The following SRBD1 variants were observed in gnomAD, a reference collection of about 807,000 sequenced individuals.
The protein encoded by SRBD1 is S1 RNA binding domain 1, also known as S1 RNA-binding domain-containing protein 1.
A neutral mutation model predicts 115.3 loss-of-function variants in SRBD1; 88 were observed. The ratio of observed to expected loss-of-function variants is 0.76; its 90% confidence interval spans 0.64 to 0.91. The LOEUF is 0.91. Ranked by LOEUF, SRBD1 falls within the 40% of genes least tolerant of loss-of-function variation. The pLI, the probability that SRBD1 is intolerant of heterozygous loss-of-function variation, is 0.00. For missense variants in SRBD1, 1,385 were observed against 1,177.4 expected (o/e 1.18, Z -2.58); for synonymous variants, 509 against 407.7 (o/e 1.25, Z -2.99).
At chr2:45,519,935 A>G (rs1180923228) in intron 14 of SRBD1, among the ~76,000 whole-genome samples, 3 of 152,178 alleles carry the variant, frequency 2.0e-5, no homozygotes, top group African/African-American at 7.2e-5. Flanking sequence ...CCAAACCAAG[A>G]CCAAAAAGCT....
intron 16 of SRBD1, among the ~76,000 whole-genome samples, chr2:45,444,710 C>T (rs1206316342): frequency 6.6e-6 from 1 of 152,146 alleles, no homozygotes; most frequent in South Asian, 2.1e-4. Context: ...TTTCAATAAT[C>T]TTTTTCTCTA....
chr2:45,605,536 AGG>A, intron 1 of SRBD1, 95 bp from the exon 2 acceptor site: 1 of 1,175,912 alleles, frequency 8.5e-7, no homozygotes, highest in South Asian at 1.3e-5. Context: ...AACATTTCAT[AGG>A]AAAAAAACAA....
intron 11 of SRBD1, among the ~76,000 whole-genome samples, chr2:45,552,530 T>C (rs1672334783): frequency 6.6e-6 from 1 of 152,048 alleles, no homozygotes; most frequent in Non-Finnish European, 1.5e-5. Flanking sequence ...AAAGTGCCAC[T>C]AGACATAAGC....
chr2:45,573,304 G>T lies in SRBD1; in HGVS notation c.1208C>A (p.Ala403Glu). Residue 403 changes from alanine to glutamate, a missense_variant, in exon 9 of 21, where the codon GCA becomes GAA. By Grantham distance (107) the Ala-to-Glu change is moderately radical. Transcript: ENST00000263736. ...ATTTACCTTTTTTGAGGATACTTTT[G>T]CCAGAGATGACTGGATACAAACATG... ...KRHVCIQSSL[A>E]KVSSKKVNEK... 6.2e-7 allele frequency: 1 copy of T among 1,611,780 alleles called. No homozygotes were observed. Among genetic ancestry groups the T allele is most frequent in the Non-Finnish European group, 8.5e-7 (1 of 1,179,168 alleles).
chr2:45,437,574 AATC>A (rs1197164212), intron 16 of SRBD1, among the ~76,000 whole-genome samples: 3 of 152,158 alleles, frequency 2.0e-5, no homozygotes, highest in Admixed American at 6.5e-5. Flanking sequence ...AATCAAAATG[AATC>A]ATAAGACAGA....
intron 16 of SRBD1, among the ~76,000 whole-genome samples, chr2:45,430,216 T>G (rs1294018184): frequency 6.6e-6 from 1 of 152,064 alleles, no homozygotes; most frequent in Non-Finnish European, 1.5e-5. Flanking sequence ...CATACTGCCC[T>G]AAGTAATTTA....
rs531252447 is a variant in SRBD1 at position 45,505,477 on chromosome 2, T to C, written c.1875-17146A>G. On this transcript the variant is annotated intron_variant, in intron 14 of 20. Transcript: ENST00000263736. ...CTCAAGGCTCTCACATAAGGGAAAA[T>C]AGCTGAGCACAATGGCACCTGTCCG... 9.9e-5 allele frequency among the ~76,000 whole-genome samples: 15 copies of C among 152,226 alleles called. No individual in the cohort carries two copies. The South Asian group carries it at 2.9e-3, about 29-fold the overall frequency.
intron 14 of SRBD1, among the ~76,000 whole-genome samples, chr2:45,501,897 T>G (rs561346287): frequency 3.9e-5 from 6 of 152,240 alleles, no homozygotes; most frequent in African/African-American, 1.4e-4. Flanking sequence ...AGCAGAAACC[T>G]CTGCAGACTC....
In SRBD1 at chr2:45,487,779, G is replaced by A. The variant is rs1292235185; in HGVS notation, c.1966+461C>T. On this transcript the variant is annotated intron_variant, in intron 15 of 20. Transcript: ENST00000263736. Reference sequence around the variant, plus strand: ...AAGCAATTCCCTGTCTCAGCCTCCCGAGTAGCTGGGATTACAGGCACCTGC... The same window carrying A: ...AAGCAATTCCCTGTCTCAGCCTCCCAAGTAGCTGGGATTACAGGCACCTGC... Among the ~76,000 whole-genome samples the A allele has an allele frequency of 2.6e-5, 4 of 151,994 alleles. No homozygotes were observed. In the East Asian group the frequency reaches 5.8e-4, roughly 22 times the overall value.
chr2:45,484,117 T>C (rs912157771), intron 15 of SRBD1, among the ~76,000 whole-genome samples: 23 of 152,136 alleles, frequency 1.5e-4, no homozygotes, highest in African/African-American at 5.6e-4. Context: ...GTAGCTTTTT[T>C]TCTTCCCTAG....
chr2:45,443,805 G>A (rs1343313534), intron 16 of SRBD1, among the ~76,000 whole-genome samples: 90 of 130,686 alleles, frequency 6.9e-4, no homozygotes, highest in Non-Finnish European at 8.2e-4. Flanking sequence ...AAGTTATTTT[G>A]AAAAAAAAAA....
intron 15 of SRBD1, among the ~76,000 whole-genome samples, chr2:45,487,272 C>T (rs1232453277): frequency 6.6e-6 from 1 of 152,170 alleles, no homozygotes; most frequent in East Asian, 1.9e-4. Context: ...TAAATATTCA[C>T]TTATTATACA....
chr2:45,454,277 G>A (rs1225240618), intron 16 of SRBD1, among the ~76,000 whole-genome samples: 1 of 151,994 alleles, frequency 6.6e-6, no homozygotes, highest in African/African-American at 2.4e-5. Flanking sequence ...CTGGGAGCAT[G>A]ATTCACTTTG....
chr2:45,599,731 C>A lies in SRBD1; in HGVS notation c.366G>T (p.Ala122=), dbSNP rs758033341. 1 of 1,614,180 alleles carries A rather than the reference C, an allele frequency of 6.2e-7. No individual in the cohort carries two copies. The change falls in exon 4 of 21, where the codon GCG becomes GCT. Residue 122 remains alanine, a synonymous_variant. Transcript: ENST00000263736. ...TAGTCCTTCGAACTGTATGTGGCTG[C>A]GCTGCACATTTCTGTTTTGTCTTGG... ...KTAKTKQKCA[A]QPHTVRRTKK... is the part of the protein sequence containing the mutation.
chr2:45,482,429 G>C (rs1157146684), intron 15 of SRBD1, among the ~76,000 whole-genome samples: 1 of 152,076 alleles, frequency 6.6e-6, no homozygotes, highest in Non-Finnish European at 1.5e-5. Context: ...TCTACCATAT[G>C]CTATCGAACC....
chr2:45,462,601 G>A (rs1669350446), intron 16 of SRBD1, among the ~76,000 whole-genome samples: 1 of 150,766 alleles, frequency 6.6e-6, no homozygotes, highest in Admixed American at 6.6e-5. Flanking sequence ...AGTACACTAA[G>A]AGGAGATCGA....
intron 12 of SRBD1, among the ~76,000 whole-genome samples, chr2:45,549,505 C>A (rs879874364): frequency 6.6e-6 from 1 of 151,300 alleles, no homozygotes; most frequent in African/African-American, 2.4e-5. Context: ...AATGTCCTTA[C>A]AGAAAGATGT....
At chr2:45,595,082 T>C (rs781587816) in intron 4 of SRBD1, among the ~76,000 whole-genome samples, 3 of 152,232 alleles carry the variant, frequency 2.0e-5, no homozygotes, top group East Asian at 3.8e-4. Flanking sequence ...TTTTATGAAA[T>C]GAAGTGTTGC....
At chr2:45,500,669 G>A (rs780355164) in intron 14 of SRBD1, among the ~76,000 whole-genome samples, 1 of 152,194 alleles carries the variant, frequency 6.6e-6, no homozygotes, top group East Asian at 1.9e-4. Flanking sequence ...GCCCGTTTCG[G>A]CCTCCCAAAG....
Sources: gnomAD v4.1 joint callset for allele counts (sites outside exome capture counted in the v4.1 genomes callset) on GRCh38, gnomAD v4.1.1 for gene constraint, MANE v1.5 for transcripts, NCBI Gene and HGNC (gene_info 2026-07-23, HGNC 2026-07-21) for gene names.